Variants in RFNG observed in about 807,000 individuals in gnomAD.
The protein encoded by RFNG is RFNG O-fucosylpeptide 3-beta-N-acetylglucosaminyltransferase.
RFNG carries 37 observed loss-of-function variants against 29.6 expected under a neutral mutation model. That is an observed-to-expected ratio of 1.25 (90% CI 0.96 to 1.65). The LOEUF (loss-of-function observed/expected upper bound fraction) is 1.65, where lower values mean the gene tolerates loss of function less well. Among genes scored for constraint, RFNG ranks in the 40% most tolerant of loss-of-function variants. The pLI, the probability that RFNG is intolerant of heterozygous loss-of-function variation, is 0.00. For synonymous variants in RFNG, 276 were observed against 197.3 expected (o/e 1.40, Z -3.34); for missense variants, 546 against 457.0 (o/e 1.19, Z -1.78).
intron 2 of RFNG, 61 bp from the exon 3 acceptor site, chr17:82,050,825 T>C: frequency 1.1e-5 from 17 of 1,547,730 alleles, no homozygotes; most frequent in Non-Finnish European, 1.5e-5. Flanking sequence ...GGGTAAGGCC[T>C]GTGCCCCACC....
rs2030097536 is a variant in RFNG, at chr17:82,049,041, C to G, written c.904G>C (p.Asp302His). 1 of 1,613,390 alleles carries G rather than the reference C, an allele frequency of 6.2e-7. No individual in the cohort carries two copies. Residue 302 changes from aspartate to histidine, a missense_variant, in exon 7 of 8, where the codon GAC becomes CAC. Asp to His is a moderately conservative substitution (Grantham distance 81). Coordinates refer to ENST00000310496, the MANE Select transcript of RFNG (RefSeq NM_002917.2). ...NVAGGFSLHQDPTRFKSIHCL... is the reference protein window; with the variant it reads ...NVAGGFSLHQHPTRFKSIHCL... ...CCACTACCTACTCACCGTGTGGGGT[C>G]TTGATGCAGGCTGAAGCCTCCAGCC...
rs956624903 is a variant in RFNG at position 82,050,694 on chromosome 17, C to A, written c.387G>T (p.Val129=). 2 of 1,613,170 alleles carry A rather than the reference C, an allele frequency of 1.2e-6. No individual in the cohort carries two copies. Among genetic ancestry groups the A allele is most frequent in the African/African-American group, 2.7e-5 (2 of 74,944 alleles). Residue 129 remains valine, a synonymous_variant, in exon 3 of 8, where the codon GTG becomes GTT. Transcript: ENST00000310496. ...CGGACTCAATGAACTTGTCATACTCCACGGACATCTTGCAGCAGAGGGCCT... is the reference window on the plus strand; with the variant it reads ...CGGACTCAATGAACTTGTCATACTCAACGGACATCTTGCAGCAGAGGGCCT... ...TRQALCCKMS[V]EYDKFIESGR... is the part of the protein sequence containing the mutation.
rs535940479 is a variant in RFNG, at chr17:82,050,205, G to A, written c.573+197C>T. The A allele has an allele frequency of 3.3e-5, 26 of 789,020 alleles. 1 individual carries two copies. The highest frequency in any genetic ancestry group is 2.3e-4 in the Middle Eastern group (1 of 4,292). 48.9% of individuals were successfully genotyped at this position (789,020 alleles called of 1,614,324 possible). ...CTCCAGACCCTCCCCACCTGGCCCA[G>A]ACACCCCCTCTCTGCCCAGTACGGT... On this transcript the variant is annotated intron_variant, in intron 4 of 7. Transcript: ENST00000310496.
At position 82,051,773 on chromosome 17, in the gene RFNG, G is replaced by A; in HGVS notation, c.-7C>T. On this transcript the variant is annotated 5_prime_UTR_variant, in exon 1 of 8. Transcript: ENST00000310496. The surrounding 1 kb of genome is among the most constrained non-coding windows in gnomAD (Gnocchi z 4.1). ...CCCCACGCGCGCGGCTCATGCGGCCGCCGGGACCCCCGGCGCTGCGAGCGG... is the reference window on the plus strand; with the variant it reads ...CCCCACGCGCGCGGCTCATGCGGCCACCGGGACCCCCGGCGCTGCGAGCGG... The A allele has an allele frequency of 9.0e-7, 1 of 1,105,252 alleles. No individual in the cohort carries two copies. The highest frequency in any genetic ancestry group is 1.1e-6 in the Non-Finnish European group (1 of 908,116). 68.5% of individuals were successfully genotyped at this position (1,105,252 alleles called of 1,614,324 possible).
At position 82,048,430 on chromosome 17, in the gene RFNG, G is replaced by A. The variant is rs2030059857; in HGVS notation, c.*296C>T. ...CGGATGGCAGCTCCCTCCCAGGTGC[G>A]CAAGTGCTGGGGTGGAAGCCTGTTC... is the stretch of plus-strand genomic sequence containing the variant. On this transcript the variant is annotated 3_prime_UTR_variant, in exon 8 of 8. Transcript: ENST00000310496. 9.3e-6 allele frequency: 4 copies of A among 432,004 alleles called. No homozygotes were observed. Among genetic ancestry groups the A allele is most frequent in the Admixed American group, 3.6e-5 (1 of 27,478 alleles). 26.8% of individuals were successfully genotyped at this position (432,004 alleles called of 1,614,324 possible). A position where few individuals can be genotyped will look rare whatever the true frequency, so the allele number is the denominator to read the frequency against.
Position 82,050,737 on chromosome 17 carries a change from G to A in RFNG, c.344C>T (p.Ser115Leu). 6.2e-7 allele frequency: 1 copy of A among 1,613,122 alleles called. No homozygotes were observed. Among genetic ancestry groups the A allele is most frequent in the Non-Finnish European group, 8.5e-7 (1 of 1,179,936 alleles). ...GAGGGCCTGACGAGTGCGCACCGCC[G>A]AGCAGTTGGTGTTGATGACACGGTC... ...GGDRVINTNC[S>L]AVRTRQALCC... is the part of the protein sequence containing the mutation. The change falls in exon 3 of 8, where the codon TCG (serine) becomes TTG (leucine). Residue 115 changes from serine (S) to leucine (L), a missense_variant. Transcript: ENST00000310496.
At chr17:82,048,847 G>A in intron 7 of RFNG, 40 bp from the exon 8 acceptor site, 3 of 1,573,808 alleles carry the variant, frequency 1.9e-6, no homozygotes, top group Non-Finnish European at 2.6e-6. Context: ...CGTGGGCGGA[G>A]AGAGAAGCGG....
intron 7 of RFNG, 43 bp downstream of exon 7, chr17:82,048,988 C>T (rs1307268735): frequency 4.4e-6 from 7 of 1,581,442 alleles, no homozygotes; most frequent in Non-Finnish European, 6.0e-6. Context: ...GATGCCAGAG[C>T]CCCTGCGGGG....
Position 82,048,574 on chromosome 17 carries a change from G to A in RFNG, c.*152C>T, listed in dbSNP as rs574031094. 1.5e-5 allele frequency: 10 copies of A among 656,530 alleles called. No individual in the cohort carries two copies. Among genetic ancestry groups the A allele is most frequent in the Admixed American group, 7.5e-5 (3 of 39,894 alleles). The allele number at this position is 656,530 out of a possible 1,614,324, so 40.7% of individuals were successfully genotyped here. On this transcript the variant is annotated 3_prime_UTR_variant, in exon 8 of 8. Coordinates refer to ENST00000310496, the MANE Select transcript of RFNG (RefSeq NM_002917.2). ...CCGCAGCCCACCAGGGGCTGGGAGAGGGGGGGCTGCAGGCTAGCCAGAGGG... is the reference window on the plus strand; with the variant it reads ...CCGCAGCCCACCAGGGGCTGGGAGAAGGGGGGCTGCAGGCTAGCCAGAGGG...
chr17:82,050,519 G>A lies in RFNG; in HGVS notation c.456C>T (p.Asn152=), dbSNP rs112510774. The change falls in exon 4 of 8, where the codon AAC becomes AAT. Residue 152 remains asparagine (N), a synonymous_variant. Transcript: ENST00000310496. Reference sequence around the variant, plus strand: ...AGAGCAGGTGCAGGAGGCTCCTGGCGTTCACATAATTGTCATCATCCACGT... The same window carrying A: ...AGAGCAGGTGCAGGAGGCTCCTGGCATTCACATAATTGTCATCATCCACGT... ...FCHVDDDNYV[N]ARSLLHLLSS... 2,600 of 1,612,798 alleles carry A rather than the reference G, an allele frequency of 1.6e-3. 4 individuals carry two copies. The highest frequency in any genetic ancestry group is 2.0e-3 in the Non-Finnish European group (2,375 of 1,179,732).
chr17:82,049,627 A>T, intron 6 of RFNG, 50 bp downstream of exon 6: 1 of 1,461,548 alleles, frequency 6.8e-7, no homozygotes, highest in Non-Finnish European at 9.0e-7. Flanking sequence ...TGGGGGAGTC[A>T]GGGCGGGGCA....
chr17:82,050,607 G>C, intron 3 of RFNG, 52 bp from the exon 4 acceptor site: 2 of 1,608,294 alleles, frequency 1.2e-6, no homozygotes, highest in Middle Eastern at 1.7e-4. Context: ...CTGGACAGGA[G>C]GCCCCCACCC....
intron 6 of RFNG, chr17:82,049,424 A>C: frequency 1.4e-6 from 1 of 701,992 alleles, no homozygotes; most frequent in Non-Finnish European, 2.6e-6. Flanking sequence ...CCCACTGCCC[A>C]GCTGGCATGG....
intron 6 of RFNG, 157 bp downstream of exon 6, chr17:82,049,520 C>T: frequency 1.2e-6 from 1 of 858,530 alleles, no homozygotes; most frequent in East Asian, 2.6e-5. Flanking sequence ...GACCCTGTGT[C>T]CAACAGGCCA....
In RFNG at chr17:82,051,076, C is replaced by G. The variant is rs1309751776; in HGVS notation, c.316+218G>C. 2 of 1,368,382 alleles carry G rather than the reference C, an allele frequency of 1.5e-6. No homozygotes were observed. The highest frequency in any genetic ancestry group is 1.9e-6 in the Non-Finnish European group (2 of 1,066,330). The allele number at this position is 1,368,382 out of a possible 1,614,324, so 84.8% of individuals were successfully genotyped here. Reference sequence around the variant, plus strand: ...GGGGACGTGGCACTAGCCCCACGCCCCGGGAAGCGGCTAGTGTGAGAGGCT... The same window carrying G: ...GGGGACGTGGCACTAGCCCCACGCCGCGGGAAGCGGCTAGTGTGAGAGGCT... On this transcript the variant is annotated intron_variant, in intron 2 of 7. Coordinates refer to ENST00000310496, the MANE Select transcript of RFNG (RefSeq NM_002917.2). The surrounding 1 kb of genome is among the most constrained non-coding windows in gnomAD (Gnocchi z 4.1).
chr17:82,050,452 T>C lies in RFNG; in HGVS notation c.523A>G (p.Ser175Gly), dbSNP rs768976736. 1 of 1,612,410 alleles carries C rather than the reference T, an allele frequency of 6.2e-7. No individual in the cohort carries two copies. Among genetic ancestry groups the C allele is most frequent in the South Asian group, 1.1e-5 (1 of 91,052 alleles). The change falls in exon 4 of 8, where the codon AGC becomes GGC. Residue 175 changes from serine (S) to glycine (G), a missense_variant. Ser to Gly is a moderately conservative substitution (Grantham distance 56, BLOSUM62 0). Coordinates refer to ENST00000310496, the MANE Select transcript of RFNG (RefSeq NM_002917.2). ...GTGGCCTCAATGGGGTGGTCCAGGC[T>C]GGGCCGCCCCAGGTAGACGTCCTGG... Reference protein sequence around the residue: ...PSQDVYLGRPSLDHPIEATER... With the variant: ...PSQDVYLGRPGLDHPIEATER...
At chr17:82,050,373 G>A (rs1598469923) in intron 4 of RFNG, 29 bp downstream of exon 4, 1 of 1,540,464 alleles carries the variant, frequency 6.5e-7, no homozygotes, top group Non-Finnish European at 8.7e-7. Context: ...GAAGGCGTCT[G>A]CTCCGATGGC....
Position 82,051,322 on chromosome 17 carries a change from C to G in RFNG, c.288G>C (p.Gly96=), listed in dbSNP as rs771108562. Residue 96 remains glycine (G), a synonymous_variant, in exon 2 of 8, where the codon GGG becomes GGC. Transcript: ENST00000310496. The surrounding 1 kb of genome is among the most constrained non-coding windows in gnomAD (Gnocchi z 4.1). ...ARQQTFIFTD[G]DDPELELQGG... ...CCTGGAGCTCGAGCTCAGGGTCGTC[C>G]CCGTCGGTGAAGATAAACGTCTGGG... 3 of 1,446,780 alleles carry G rather than the reference C, an allele frequency of 2.1e-6. 1 individual carries two copies. The South Asian group carries it at 4.9e-5, about 23-fold the overall frequency. 89.6% of individuals were successfully genotyped at this position (1,446,780 alleles called of 1,614,324 possible). A position where few individuals can be genotyped will look rare whatever the true frequency, so the allele number is the denominator to read the frequency against.
intron 3 of RFNG, 27 bp from the exon 4 acceptor site, chr17:82,050,582 G>T (rs746320591): frequency 4.4e-6 from 7 of 1,608,904 alleles, no homozygotes; most frequent in Non-Finnish European, 8.5e-7. Context: ...TCCTGGGCAC[G>T]AGGGCCTGGC....
Sources: gnomAD v4.1 joint callset for allele counts on GRCh38, gnomAD v4.1.1 for gene constraint, Gnocchi (gnomAD v3.1) non-coding constraint, MANE v1.5 for transcripts, NCBI Gene and HGNC (gene_info 2026-07-23, HGNC 2026-07-21) for gene names.